Variants in EPC2 observed in about 807,000 individuals in gnomAD.
EPC2 encodes enhancer of polycomb homolog 2.
In EPC2, 14 loss-of-function variants were observed where a neutral mutation model predicts 92.1. That is an observed-to-expected ratio of 0.15 (90% CI 0.10 to 0.24). The LOEUF (loss-of-function observed/expected upper bound fraction) is 0.24, where lower values mean the gene tolerates loss of function less well. Among genes scored for constraint, EPC2 ranks in the 10% least tolerant of loss-of-function variants. The pLI, the probability that EPC2 is intolerant of heterozygous loss-of-function variation, is 1.00. For synonymous variants in EPC2, 340 were observed against 334.7 expected (o/e 1.02, Z -0.17); for missense variants, 755 against 971.5 (o/e 0.78, Z 2.96).
chr2:148,749,728 G>A (rs766091728), intron 3 of EPC2, among the ~76,000 whole-genome samples: 8 of 151,766 alleles, frequency 5.3e-5, no homozygotes, highest in Non-Finnish European at 8.8e-5. Context: ...AATGAAATTT[G>A]GTCTAGATCT....
chr2:148,660,068 A>G (rs1559140062), intron 1 of EPC2, among the ~76,000 whole-genome samples: 2 of 152,166 alleles, frequency 1.3e-5, no homozygotes, highest in Non-Finnish European at 2.9e-5. Context: ...TGTGAAGAAG[A>G]AAACACAAAT....
rs61215161 is a variant in EPC2, at chr2:148,717,193, ATTT to A, written c.314-26411_314-26409del. On this transcript the variant is annotated intron_variant, in intron 2 of 13. Transcript: ENST00000258484. ...AAAAAAACAACTCCTGGATTCATTG[ATTT>A]TTTTTTTTTTTTTTTTTGAGGAGTT... Among the ~76,000 whole-genome samples the A allele has an allele frequency of 8.7e-3, 878 of 100,908 alleles. 9 individuals are homozygous for A. Among genetic ancestry groups the A allele is most frequent in the African/African-American group, 0.03 (813 of 26,996 alleles). 66.2% of individuals were successfully genotyped at this position (100,908 alleles called of 152,430 possible).
At chr2:148,767,318 T>G (rs1381838825) in intron 7 of EPC2, among the ~76,000 whole-genome samples, 3 of 152,196 alleles carry the variant, frequency 2.0e-5, no homozygotes, top group African/African-American at 7.2e-5. Flanking sequence ...ACTCATATGT[T>G]TCTCATGCAT....
intron 1 of EPC2, among the ~76,000 whole-genome samples, chr2:148,683,483 G>C (rs998625908): frequency 3.3e-5 from 5 of 152,056 alleles, no homozygotes; most frequent in African/African-American, 1.2e-4. Context: ...AGCCAGGATT[G>C]TCTCGATCTC....
At chr2:148,705,524 C>T (rs1451432381) in intron 2 of EPC2, among the ~76,000 whole-genome samples, 1 of 152,212 alleles carries the variant, frequency 6.6e-6, no homozygotes, top group Non-Finnish European at 1.5e-5. Flanking sequence ...AGACCACCTC[C>T]TCAAGTGGGT....
chr2:148,743,926 C>A (rs1388652352), intron 3 of EPC2, among the ~76,000 whole-genome samples, 159 bp downstream of exon 3: 1 of 152,100 alleles, frequency 6.6e-6, no homozygotes, highest in Non-Finnish European at 1.5e-5. Flanking sequence ...TACTTAAGCA[C>A]AATTTCTTTG....
At chr2:148,681,609 A>AT (rs897047709) in intron 1 of EPC2, among the ~76,000 whole-genome samples, 8 of 151,854 alleles carry the variant, frequency 5.3e-5, no homozygotes, top group Non-Finnish European at 1.2e-4. Context: ...GTACTCTCTG[A>AT]TTTTTTTTCT....
At chr2:148,728,347 T>C (rs1415779554) in intron 2 of EPC2, among the ~76,000 whole-genome samples, 1 of 152,180 alleles carries the variant, frequency 6.6e-6, no homozygotes, top group East Asian at 1.9e-4. Context: ...CTCAAAATTA[T>C]CCTATATTAA....
chr2:148,657,014 C>G (rs1040784014), intron 1 of EPC2, among the ~76,000 whole-genome samples: 1 of 151,284 alleles, frequency 6.6e-6, no homozygotes, highest in African/African-American at 2.4e-5. Flanking sequence ...TTTTAGATGC[C>G]TGTTGTTACG....
intron 1 of EPC2, among the ~76,000 whole-genome samples, chr2:148,672,875 G>A (rs1681186040): frequency 6.6e-6 from 1 of 152,130 alleles, no homozygotes; most frequent in Non-Finnish European, 1.5e-5. Context: ...TTTATAGGAA[G>A]GGTCAGTAGC....
intron 1 of EPC2, among the ~76,000 whole-genome samples, chr2:148,689,240 G>T (rs111609675): frequency 2.9e-4 from 44 of 151,712 alleles, no homozygotes; most frequent in African/African-American, 1.1e-3. Context: ...TCCAGTGGCG[G>T]ATCTCGGCTC....
At chr2:148,703,483 C>A (rs538912067) in intron 2 of EPC2, among the ~76,000 whole-genome samples, 2 of 151,948 alleles carry the variant, frequency 1.3e-5, no homozygotes, top group African/African-American at 4.8e-5. Flanking sequence ...GTTTCAGGAT[C>A]CTTTTCTTTG....
intron 1 of EPC2, among the ~76,000 whole-genome samples, chr2:148,668,038 A>G (rs1177102242): frequency 2.6e-5 from 4 of 152,100 alleles, no homozygotes; most frequent in Admixed American, 6.6e-5. Context: ...AGCTGGGACT[A>G]CAGGCACACG....
chr2:148,715,731 T>G (rs1252175714), intron 2 of EPC2, among the ~76,000 whole-genome samples: 2 of 152,210 alleles, frequency 1.3e-5, no homozygotes, highest in Non-Finnish European at 2.9e-5. Flanking sequence ...CATATGAATT[T>G]TAAAATAGTT....
At chr2:148,744,254 ACTGT>A (rs1192179799) in intron 3 of EPC2, among the ~76,000 whole-genome samples, 7 of 152,148 alleles carry the variant, frequency 4.6e-5, no homozygotes, top group Non-Finnish European at 1.0e-4. Context: ...TTAAAATGGC[ACTGT>A]CTTTCTGGAA....
At chr2:148,745,613 GCAT>G (rs1179484672) in intron 3 of EPC2, among the ~76,000 whole-genome samples, 2 of 152,132 alleles carry the variant, frequency 1.3e-5, no homozygotes, top group Non-Finnish European at 2.9e-5. Context: ...GAGCATGATA[GCAT>G]CTACTTTCAG....
At chr2:148,744,997 C>CCCG (rs1553448439) in intron 3 of EPC2, among the ~76,000 whole-genome samples, 1 of 124,810 alleles carries the variant, frequency 8.0e-6, no homozygotes, top group Non-Finnish European at 1.9e-5. Context: ...TTGCCCCCCC[C>CCCG]CCCCGCACCA....
At chr2:148,758,042 G>A (rs1213450120) in intron 4 of EPC2, among the ~76,000 whole-genome samples, 2 of 152,038 alleles carry the variant, frequency 1.3e-5, no homozygotes, top group African/African-American at 2.4e-5. Flanking sequence ...TCAGAAGGAC[G>A]CAGGAGCCAG....
chr2:148,653,140 G>A (rs1680718666), intron 1 of EPC2, among the ~76,000 whole-genome samples: 1 of 152,190 alleles, frequency 6.6e-6, no homozygotes, highest in African/African-American at 2.4e-5. Context: ...ACCCAAGACA[G>A]GCAGGATAGC....
Sources: allele counts gnomAD v4.1 joint callset (sites outside exome capture counted in the v4.1 genomes callset), GRCh38; gene constraint gnomAD v4.1.1; transcripts MANE v1.5; gene names NCBI Gene and HGNC (gene_info 2026-07-23, HGNC 2026-07-21).